The following PRKCZ variants were observed in gnomAD, a reference collection of about 807,000 sequenced individuals.
PRKCZ encodes the protein protein kinase C zeta type.
Under a neutral mutation model 79.5 loss-of-function variants are expected in PRKCZ, and 33 were observed. The observed-to-expected ratio is 0.41, with a 90% CI of 0.31 to 0.55. The LOEUF (loss-of-function observed/expected upper bound fraction) is 0.55. Ranked by LOEUF, PRKCZ falls within the 20% of genes least tolerant of loss-of-function variation. The probability of loss-of-function intolerance (pLI) is 0.19; values close to 1 mark genes in which losing one functional copy is unlikely to be tolerated. For synonymous variants in PRKCZ, 342 were observed against 320.9 expected (o/e 1.07, Z -0.70); for missense variants, 578 against 813.5 (o/e 0.71, Z 3.52).
intron 4 of PRKCZ, among the ~76,000 whole-genome samples, chr1:2,119,976 C>T (rs1166143679): frequency 6.6e-6 from 1 of 151,980 alleles, no homozygotes; most frequent in African/African-American, 2.4e-5. Flanking sequence ...TGGGAAATGT[C>T]TTTGGCATTC....
chr1:2,146,062 C>A lies in PRKCZ; in HGVS notation c.588C>A (p.Asp196Glu). ...TGCCTTCCCAAGAGCCTCCAGTAGA[C>A]GACAAGAACGAGGACGCCGACCTTC... ...SVMPSQEPPV[D>E]DKNEDADLPS... Residue 196 changes from aspartate to glutamate, a missense_variant, in exon 7 of 18, where the codon GAC (aspartate) becomes GAA (glutamate). Asp to Glu is a conservative substitution (Grantham distance 45). This residue lies in a region of PRKCZ where 91 missense variants were observed against 97.5 expected (regional missense o/e 0.93). Coordinates refer to ENST00000378567, the MANE Select transcript of PRKCZ (RefSeq NM_002744.6). 6.2e-7 allele frequency: 1 copy of A among 1,614,096 alleles called. No individual in the cohort carries two copies. Among genetic ancestry groups the A allele is most frequent in the Non-Finnish European group, 8.5e-7 (1 of 1,179,972 alleles).
intron 16 of PRKCZ, chr1:2,182,747 G>T (rs548833428): frequency 1.3e-5 from 2 of 154,814 alleles, no homozygotes; most frequent in Middle Eastern, 5.2e-4. Context: ...GGTGCCTGTT[G>T]TGACAGCTGG....
intron 4 of PRKCZ, chr1:2,073,999 T>C (rs1030078175): frequency 2.8e-6 from 4 of 1,417,056 alleles, no homozygotes; most frequent in Admixed American, 5.8e-5. Context: ...CTGCAGGCCC[T>C]GTGCGTGCGG....
chr1:2,060,512 C>T (rs967338764), intron 4 of PRKCZ, among the ~76,000 whole-genome samples: 1 of 110,044 alleles, frequency 9.1e-6, no homozygotes, highest in Admixed American at 1.0e-4. Flanking sequence ...TCTCGGCTTC[C>T]AGCGAGAAGT....
At chr1:2,160,238 C>CGCGCGT (rs71578361) in intron 10 of PRKCZ, among the ~76,000 whole-genome samples, 42 of 146,468 alleles carry the variant, frequency 2.9e-4, no homozygotes, top group African/African-American at 1.1e-3. Flanking sequence ...CAGCAGTGTG[C>CGCGCGT]GTGTGTGTGT....
intron 9 of PRKCZ, among the ~76,000 whole-genome samples, chr1:2,152,165 T>A (rs1680027631): frequency 6.6e-6 from 1 of 152,222 alleles, no homozygotes; most frequent in African/African-American, 2.4e-5. Flanking sequence ...TGTTGAAATC[T>A]TAATTCTGAC....
In PRKCZ at chr1:2,176,810, A is replaced by G. The variant is rs1018011519; in HGVS notation, c.1575+1497A>G. On this transcript the variant is annotated intron_variant, in intron 16 of 17. Transcript: ENST00000378567. Reference sequence around the variant, plus strand: ...CTGTGCATGTGTGGGACCGTGGGGGAAGGTGGGGAGTGAAGTGGTCAGAAC... The same window carrying G: ...CTGTGCATGTGTGGGACCGTGGGGGGAGGTGGGGAGTGAAGTGGTCAGAAC... Among the ~76,000 whole-genome samples the G allele has an allele frequency of 3.3e-5, 5 of 151,980 alleles. 1 individual carries two copies. Among genetic ancestry groups the G allele is most frequent in the Non-Finnish European group, 5.9e-5 (4 of 67,998 alleles).
chr1:2,184,934 G>A lies in PRKCZ; in HGVS notation c.1704G>A (p.Lys568=). 1 of 1,613,888 alleles carries A rather than the reference G, an allele frequency of 6.2e-7. No homozygotes were observed. Among genetic ancestry groups the A allele is most frequent in the Non-Finnish European group, 8.5e-7 (1 of 1,179,936 alleles). ...QLTPDDEDAI[K]RIDQSEFEGF... ...CCTTTGCCCACAGGGATGCCATAAA[G>A]AGGATCGACCAGTCAGAGTTCGAAG... Residue 568 remains lysine, a synonymous_variant, in exon 18 of 18, where the codon AAG becomes AAA. Coordinates refer to ENST00000378567, the MANE Select transcript of PRKCZ (RefSeq NM_002744.6).
chr1:2,112,048 C>T lies in PRKCZ; in HGVS notation c.335-23214C>T, dbSNP rs527861706. Among the ~76,000 whole-genome samples, 4 of 152,330 alleles carry T rather than the reference C, an allele frequency of 2.6e-5. No homozygotes were observed. In the East Asian group the frequency reaches 5.8e-4, roughly 22 times the overall value. ...GGGACAAGTCATTTTCATGAATCTG[C>T]TGTAAAACGTCTCCCAAACTCCAAG... On this transcript the variant is annotated intron_variant, in intron 4 of 17. Transcript: ENST00000378567.
At chr1:2,156,888 G>A (rs1410666810) in intron 10 of PRKCZ, among the ~76,000 whole-genome samples, 1 of 152,194 alleles carries the variant, frequency 6.6e-6, no homozygotes, top group Non-Finnish European at 1.5e-5. Flanking sequence ...CGTTAGTCAG[G>A]GTTCTCCTGA....
intron 4 of PRKCZ, among the ~76,000 whole-genome samples, chr1:2,080,023 C>T (rs897152174): frequency 7.2e-5 from 11 of 152,200 alleles, no homozygotes; most frequent in Non-Finnish European, 1.2e-4. Flanking sequence ...CAGCAGGTGC[C>T]CCACTTTCCT....
intron 16 of PRKCZ, among the ~76,000 whole-genome samples, chr1:2,176,828 G>C (rs1685588534): frequency 6.6e-6 from 1 of 152,214 alleles, no homozygotes; most frequent in African/African-American, 2.4e-5. Flanking sequence ...GAGTGAAGTG[G>C]TCAGAACGTG....
chr1:2,091,564 C>T (rs547401620), intron 4 of PRKCZ, among the ~76,000 whole-genome samples: 8 of 152,140 alleles, frequency 5.3e-5, no homozygotes, highest in East Asian at 3.9e-4. Context: ...CCTCTTGGGG[C>T]GAGGCAGTGC....
rs35271800 is a variant in PRKCZ, at chr1:2,055,515, G to A, written c.146G>A (p.Arg49His). The A allele has an allele frequency of 1.5e-3, 2,366 of 1,614,060 alleles. 31 individuals are homozygous for A. In the African/African-American group the frequency reaches 0.027, roughly 18 times the overall value. The part of the protein sequence containing the change: ...ELCEEVRDMC[R>H]LHQQHPLTLK... Reference sequence around the variant, plus strand: ...TGTGAGGAAGTGAGAGACATGTGTCGTCTGCACCAGCAGCACCCGCTCACC... The same window carrying A: ...TGTGAGGAAGTGAGAGACATGTGTCATCTGCACCAGCAGCACCCGCTCACC... The change falls in exon 2 of 18, where the codon CGT becomes CAT. Residue 49 changes from arginine to histidine, a missense_variant. Physicochemically the swap from Arg to His is conservative, Grantham distance 29 (BLOSUM62 0). This residue lies in a region of PRKCZ where 228 missense variants were observed against 211.6 expected (regional missense o/e 1.08). Coordinates refer to ENST00000378567, the MANE Select transcript of PRKCZ (RefSeq NM_002744.6).
At position 2,180,495 on chromosome 1, in the gene PRKCZ, CGGACGCACAGATGACGT is replaced by C. The variant is rs1221518575; in HGVS notation, c.1576-4062_1576-4046del. ...AGACGACGCGGACGCACAGACGACG[CGGACGCACAGATGACGT>C]GGACGCACAGATGACGTGGACGCAC... On this transcript the variant is annotated intron_variant, in intron 16 of 17. Coordinates refer to ENST00000378567, the MANE Select transcript of PRKCZ (RefSeq NM_002744.6). 5.0e-3 allele frequency among the ~76,000 whole-genome samples: 757 copies of C among 151,538 alleles called. 3 individuals carry two copies. Among genetic ancestry groups the C allele is most frequent in the African/African-American group, 0.017 (687 of 41,234 alleles).
At position 2,174,919 on chromosome 1, in the gene PRKCZ, T is replaced by C; in HGVS notation, c.1485+86T>C. On this transcript the variant is annotated intron_variant, in intron 15 of 17. Transcript: ENST00000378567. This position sits in a 1 kb window ranked among gnomAD's most constrained non-coding sequence, Gnocchi z 6.2. ...GCCAGGCACGGCTGTTGGCCATTTT[T>C]TCATGTCGGCTGCTGTGTATCGGGT... 2 of 1,382,610 alleles carry C rather than the reference T, an allele frequency of 1.4e-6. No homozygotes were observed. The highest frequency in any genetic ancestry group is 2.0e-6 in the Non-Finnish European group (2 of 976,748). 85.6% of individuals were successfully genotyped at this position (1,382,610 alleles called of 1,614,324 possible). A position where few individuals can be genotyped will look rare whatever the true frequency, so the allele number is the denominator to read the frequency against.
intron 4 of PRKCZ, among the ~76,000 whole-genome samples, chr1:2,107,900 C>G (rs1178477600): frequency 6.7e-6 from 1 of 148,558 alleles, no homozygotes; most frequent in East Asian, 1.9e-4. Flanking sequence ...GGGATTCCCC[C>G]CAGGGCAGTG....
upstream of PRKCZ, chr1:2,050,344 G>A (rs1012306624): frequency 1.2e-5 from 2 of 162,204 alleles, no homozygotes; most frequent in Non-Finnish European, 2.7e-5. Context: ...TTGGCCGCAG[G>A]TGCCACCGCC....
intron 10 of PRKCZ, chr1:2,169,035 C>A: frequency 2.5e-6 from 1 of 405,890 alleles, no homozygotes; most frequent in Non-Finnish European, 5.1e-6. Context: ...CTGACCCCAG[C>A]TTGTTCCCTT....
Sources: gnomAD v4.1 joint callset for allele counts (sites outside exome capture counted in the v4.1 genomes callset) on GRCh38, gnomAD v4.1.1 for gene constraint, gnomAD v4.1.1 regional missense constraint, Gnocchi (gnomAD v3.1) non-coding constraint, MANE v1.5 for transcripts, NCBI Gene and HGNC (gene_info 2026-07-23, HGNC 2026-07-21) for gene names.